The following WSCD1 variants were observed in gnomAD, a reference collection of about 807,000 sequenced individuals.
WSCD1 encodes the protein sialate:O-sulfotransferase 1.
WSCD1 carries 41 observed loss-of-function variants against 60.4 expected under a neutral mutation model. The ratio of observed to expected loss-of-function variants is 0.68; its 90% CI spans 0.53 to 0.88. WSCD1 has a LOEUF of 0.88. Ranked by LOEUF, WSCD1 falls within the 40% of genes least tolerant of loss-of-function variation. The pLI, the probability that WSCD1 is intolerant of heterozygous loss-of-function variation, is 0.00. For synonymous variants in WSCD1, 361 were observed against 332.5 expected (o/e 1.09, Z -0.93); for missense variants, 784 against 796.2 (o/e 0.98, Z 0.18).
Position 6,080,440 on chromosome 17 carries a change from C to A in WSCD1, c.-219C>A. ...GATGTCCTTGACGCCTGGGCAGAGG[C>A]TGCAGCTGCAGGACCCTGTGGCCAC... On this transcript the variant is annotated 5_prime_UTR_variant, in exon 2 of 9. The change creates a new upstream start codon in the 5' untranslated region. Transcript: ENST00000317744. This position sits in a 1 kb window ranked among gnomAD's most constrained non-coding sequence, Gnocchi z 6.6. 1 of 567,842 alleles carries A rather than the reference C, an allele frequency of 1.8e-6. No homozygotes were observed. The highest frequency in any genetic ancestry group is 3.1e-6 in the Non-Finnish European group (1 of 324,818). The allele number at this position is 567,842 out of a possible 1,614,324, so 35.2% of individuals were successfully genotyped here.
chr17:6,104,511 C>G (rs1002521011), intron 5 of WSCD1, among the ~76,000 whole-genome samples: 5 of 152,210 alleles, frequency 3.3e-5, no homozygotes, highest in Non-Finnish European at 2.9e-5. Flanking sequence ...ATCTGCCTCT[C>G]CAAATCACAA....
chr17:6,070,977 C>T (rs1567546995), intron 1 of WSCD1: 1 of 151,930 alleles, frequency 6.6e-6, no homozygotes, highest in Non-Finnish European at 1.5e-5. Flanking sequence ...CGTCCGTCAC[C>T]CGGGAGGGCG....
Position 6,088,051 on chromosome 17 carries a change from T to G in WSCD1, c.489T>G (p.Phe163Leu), listed in dbSNP as rs753665789. The G allele has an allele frequency of 3.1e-6, 5 of 1,614,182 alleles. No individual in the cohort carries two copies. The South Asian group carries it at 5.5e-5, about 18-fold the overall frequency. Residue 163 changes from phenylalanine (F) to leucine (L), a missense_variant, in exon 3 of 9, where the codon TTT (phenylalanine) becomes TTG (leucine). By Grantham distance (22) the Phe-to-Leu change is conservative. Transcript: ENST00000317744. ...AGAGGACTCTGAAAGGAGCTGTGTT[T>G]TATGACTTGAGAAAGATGACTGTCT... ...GHERTLKGAV[F>L]YDLRKMTVSH...
intron 2 of WSCD1, among the ~76,000 whole-genome samples, chr17:6,087,716 C>T (rs1309370986): frequency 1.3e-5 from 2 of 152,222 alleles, no homozygotes; most frequent in Non-Finnish European, 2.9e-5. Context: ...TGGAAGAAAG[C>T]AGTGGTCAGG....
At chr17:6,095,549 T>C (rs1351024757) in intron 5 of WSCD1, among the ~76,000 whole-genome samples, 2 of 152,240 alleles carry the variant, frequency 1.3e-5, no homozygotes. Flanking sequence ...AGATGCTGGC[T>C]CGGGACTTGG....
At chr17:6,088,244 G>A in intron 3 of WSCD1, 140 bp downstream of exon 3, 2 of 733,328 alleles carry the variant, frequency 2.7e-6, no homozygotes, top group Non-Finnish European at 4.4e-6. Flanking sequence ...TTTTCCAGAA[G>A]AAAGGAAGTT....
At chr17:6,094,443 C>T (rs575415331) in intron 4 of WSCD1, among the ~76,000 whole-genome samples, 34 of 152,234 alleles carry the variant, frequency 2.2e-4, no homozygotes, top group African/African-American at 7.2e-4. Flanking sequence ...ATGCATCTTC[C>T]GGTAGGACAT....
In WSCD1 at chr17:6,075,616, C is replaced by G. The variant is rs905681119; in HGVS notation, c.-288-4755C>G. On this transcript the variant is annotated intron_variant, in intron 1 of 8. Coordinates refer to ENST00000317744, the MANE Select transcript of WSCD1 (RefSeq NM_015253.2). This position sits in a 1 kb window ranked among gnomAD's most constrained non-coding sequence, Gnocchi z 4.1. The stretch of plus-strand genomic sequence containing the variant: ...TGAGACTTCCAGAAGCCCATTTGTT[C>G]TGTTACTCTCTTCTCATGCTTGACA... Among the ~76,000 whole-genome samples the G allele has an allele frequency of 6.6e-6, 1 of 152,184 alleles. No homozygotes were observed. The highest frequency in any genetic ancestry group is 6.5e-5 in the Admixed American group (1 of 15,278).
chr17:6,106,640 G>T (rs568863731), intron 5 of WSCD1, among the ~76,000 whole-genome samples: 1 of 152,220 alleles, frequency 6.6e-6, no homozygotes, highest in Non-Finnish European at 1.5e-5. Context: ...GGCCTCCGGT[G>T]TCACCGATGT....
chr17:6,119,677 G>A (rs1042184983), intron 8 of WSCD1, among the ~76,000 whole-genome samples: 1 of 152,218 alleles, frequency 6.6e-6, no homozygotes, highest in African/African-American at 2.4e-5. Context: ...ATAACTCCGG[G>A]AAAGCTGCTT....
intron 2 of WSCD1, among the ~76,000 whole-genome samples, chr17:6,084,362 C>T (rs777944425): frequency 1.4e-4 from 22 of 152,228 alleles, no homozygotes; most frequent in African/African-American, 4.3e-4. Flanking sequence ...CCCTTCCTGT[C>T]GTGGGGCTCC....
Position 6,120,947 on chromosome 17 carries a change from G to C in WSCD1, c.*286G>C, listed in dbSNP as rs1904656094. On this transcript the variant is annotated 3_prime_UTR_variant, in exon 9 of 9. Coordinates refer to ENST00000317744, the MANE Select transcript of WSCD1 (RefSeq NM_015253.2). ...TTGATGCAGAGAAGCCACCCACGTG[G>C]GGTGTGCCAGGCACCCCCAGATACA... 4.4e-6 allele frequency: 2 copies of C among 458,934 alleles called. No individual in the cohort carries two copies. Among genetic ancestry groups the C allele is most frequent in the Non-Finnish European group, 7.9e-6 (2 of 254,126 alleles). The allele number at this position is 458,934 out of a possible 1,614,324, so 28.4% of individuals were successfully genotyped here.
Position 6,121,241 on chromosome 17 carries a change from C to T in WSCD1, c.*580C>T, listed in dbSNP as rs1207659880. The T allele has an allele frequency of 1.3e-5, 2 of 153,466 alleles. No individual in the cohort carries two copies. Among genetic ancestry groups the T allele is most frequent in the Non-Finnish European group, 2.9e-5 (2 of 69,030 alleles). 9.5% of individuals were successfully genotyped at this position (153,466 alleles called of 1,614,324 possible). A position where few individuals can be genotyped will look rare whatever the true frequency, so the allele number is the denominator to read the frequency against. ...TGCTTCCAGGGTGTGCGGCCCTGGC[C>T]GTGTGTCTGACATCCCATAAATGTG... On this transcript the variant is annotated 3_prime_UTR_variant, in exon 9 of 9. Coordinates refer to ENST00000317744, the MANE Select transcript of WSCD1 (RefSeq NM_015253.2).
rs1006364581 is a variant in WSCD1, at chr17:6,095,223, A to T, written c.849A>T (p.Lys283Asn). 1.9e-6 allele frequency: 3 copies of T among 1,612,456 alleles called. No individual in the cohort carries two copies. In the African/African-American group the frequency reaches 4.0e-5, roughly 22 times the overall value. The change falls in exon 5 of 9, where the codon AAA (lysine) becomes AAT (asparagine). Residue 283 changes from lysine (K) to asparagine (N), a missense_variant and splice_region_variant. By Grantham distance (94) the Lys-to-Asn change is moderately conservative. Coordinates refer to ENST00000317744, the MANE Select transcript of WSCD1 (RefSeq NM_015253.2). ...CTTGCTCGGGCTTTTGTTCCCAGAA[A>T]GTAAGACCAAGTGATCATTTCACAA... Reference protein sequence around the residue: ...VGTCSGFCSQKEFPLAILRGW... With the variant: ...VGTCSGFCSQNEFPLAILRGW...
At chr17:6,100,338 C>T (rs1002108016) in intron 5 of WSCD1, among the ~76,000 whole-genome samples, 5 of 152,170 alleles carry the variant, frequency 3.3e-5, no homozygotes, top group Admixed American at 1.3e-4. Flanking sequence ...GGCAAAGCTG[C>T]CACAGAAGTC....
At chr17:6,096,065 A>T (rs1910403837) in intron 5 of WSCD1, among the ~76,000 whole-genome samples, 1 of 152,220 alleles carries the variant, frequency 6.6e-6, no homozygotes, top group African/African-American at 2.4e-5. Context: ...GACAATCAAC[A>T]GAAGCTGCCA....
At chr17:6,072,252 C>T (rs544089514) in intron 1 of WSCD1, among the ~76,000 whole-genome samples, 48 of 152,350 alleles carry the variant, frequency 3.2e-4, no homozygotes, top group African/African-American at 1.1e-3. Flanking sequence ...TCTTCCTAAC[C>T]GAGCAGAAGT....
chr17:6,108,268 T>A (rs1284838374), intron 5 of WSCD1, among the ~76,000 whole-genome samples: 2 of 152,184 alleles, frequency 1.3e-5, no homozygotes, highest in Non-Finnish European at 2.9e-5. Context: ...TTTTTCTTAT[T>A]TATTTATGAG....
chr17:6,094,172 A>G (rs1288131004), intron 4 of WSCD1, among the ~76,000 whole-genome samples: 1 of 152,242 alleles, frequency 6.6e-6, no homozygotes, highest in African/African-American at 2.4e-5. Flanking sequence ...TTGGTGCAAG[A>G]ACATTCCAGA....
Sources: gnomAD v4.1 joint callset for allele counts (sites outside exome capture counted in the v4.1 genomes callset) on GRCh38, gnomAD v4.1.1 for gene constraint, Gnocchi (gnomAD v3.1) non-coding constraint, MANE v1.5 for transcripts, NCBI Gene and HGNC (gene_info 2026-07-23, HGNC 2026-07-21) for gene names.